The following PRKG1 variants were observed in gnomAD, a reference collection of about 807,000 sequenced individuals.
The protein encoded by PRKG1 is cGMP-dependent protein kinase 1.
A neutral mutation model predicts 88.1 loss-of-function variants in PRKG1; 35 were observed. The ratio of observed to expected loss-of-function variants is 0.40; its 90% CI spans 0.30 to 0.53. The LOEUF is 0.53. Among genes scored for constraint, PRKG1 ranks in the 20% least tolerant of loss-of-function variants. The pLI, the probability that PRKG1 is intolerant of heterozygous loss-of-function variation, is 0.59. For synonymous variants in PRKG1, 303 were observed against 292.5 expected (o/e 1.04, Z -0.37); for missense variants, 540 against 839.8 (o/e 0.64, Z 4.41).
At chr10:51,587,198 C>T (rs1292168799) in intron 3 of PRKG1, among the ~76,000 whole-genome samples, 2 of 152,064 alleles carry the variant, frequency 1.3e-5, no homozygotes, top group Non-Finnish European at 2.9e-5. Context: ...CTTCTAAATA[C>T]TCATAGAGAG....
chr10:51,383,061 A>C (rs1837150123), intron 2 of PRKG1, among the ~76,000 whole-genome samples: 1 of 152,072 alleles, frequency 6.6e-6, no homozygotes, highest in South Asian at 2.1e-4. Flanking sequence ...GCTTATAATG[A>C]TTGGCTCACC....
intron 6 of PRKG1, among the ~76,000 whole-genome samples, chr10:52,058,554 A>T (rs544417288): frequency 6.6e-6 from 1 of 152,168 alleles, no homozygotes; most frequent in East Asian, 1.9e-4. Context: ...AAATGAAAGT[A>T]ACTGACAGCA....
intron 4 of PRKG1, among the ~76,000 whole-genome samples, chr10:51,840,902 A>G (rs1840259512): frequency 6.6e-6 from 1 of 152,228 alleles, no homozygotes; most frequent in Non-Finnish European, 1.5e-5. Flanking sequence ...AACACTTATA[A>G]AAAACAAACA....
At chr10:51,272,843 C>A (rs1001664988) in intron 2 of PRKG1, among the ~76,000 whole-genome samples, 27 of 152,110 alleles carry the variant, frequency 1.8e-4, no homozygotes, top group African/African-American at 6.3e-4. Flanking sequence ...TAAATAGGAT[C>A]CATCTGAGAA....
chr10:52,041,204 C>T (rs1408258466), intron 5 of PRKG1, among the ~76,000 whole-genome samples: 2 of 152,050 alleles, frequency 1.3e-5, no homozygotes, highest in South Asian at 2.1e-4. Flanking sequence ...TGAATTTTGT[C>T]AAATGCTTTT....
At chr10:51,413,894 C>T (rs959405677) in intron 2 of PRKG1, among the ~76,000 whole-genome samples, 3 of 152,022 alleles carry the variant, frequency 2.0e-5, no homozygotes, top group Non-Finnish European at 4.4e-5. Context: ...AGTTTGATAA[C>T]CAAAAGACCC....
chr10:51,123,480 G>A (rs548142100), intron 1 of PRKG1, among the ~76,000 whole-genome samples: 31 of 152,218 alleles, frequency 2.0e-4, no homozygotes, highest in Middle Eastern at 6.8e-3. Context: ...GAGGTCAGGA[G>A]TTCGAAACCA....
chr10:51,387,699 T>C (rs17601228), intron 2 of PRKG1, among the ~76,000 whole-genome samples: 4,716 of 152,274 alleles, frequency 0.031, 129 homozygotes, highest in Non-Finnish European at 0.042. Context: ...CAAAATTATT[T>C]CATGTAGTTT....
rs199963680 is a variant in PRKG1 at position 52,106,971 on chromosome 10, ATG to A, written c.936-26858_936-26857del. ...TTGCACAGCTGATCTTGTCACATTT[ATG>A]TGTGTGTGTGGTTAGGAAGCTTTGC... On this transcript the variant is annotated intron_variant, in intron 7 of 17. Coordinates refer to ENST00000373980, the MANE Select transcript of PRKG1 (RefSeq NM_006258.4). Among the ~76,000 whole-genome samples, 1,024 of 152,030 alleles carry A rather than the reference ATG, an allele frequency of 6.7e-3. 12 individuals carry two copies. Among genetic ancestry groups the A allele is most frequent in the African/African-American group, 0.024 (982 of 41,492 alleles).
chr10:51,802,089 T>C (rs969958653), intron 3 of PRKG1, among the ~76,000 whole-genome samples: 1 of 152,146 alleles, frequency 6.6e-6, no homozygotes, highest in African/African-American at 2.4e-5. Context: ...GAATGGTCTC[T>C]GTAAGTTAAG....
intron 3 of PRKG1, among the ~76,000 whole-genome samples, chr10:51,748,798 C>T (rs1217257895): frequency 2.0e-5 from 3 of 152,226 alleles, no homozygotes; most frequent in Admixed American, 2.0e-4. Context: ...TATAGTTTTA[C>T]AATCCAGGTA....
intron 3 of PRKG1, among the ~76,000 whole-genome samples, chr10:51,683,351 C>T (rs1318455203): frequency 7.2e-6 from 1 of 138,096 alleles, no homozygotes; most frequent in African/African-American, 2.7e-5. Flanking sequence ...AAACAAAACA[C>T]CACAATGAGA....
At chr10:51,693,530 T>C (rs910299488) in intron 3 of PRKG1, among the ~76,000 whole-genome samples, 1 of 151,916 alleles carries the variant, frequency 6.6e-6, no homozygotes, top group African/African-American at 2.4e-5. Context: ...GACTCCCAAG[T>C]AGCTGGGATT....
chr10:51,382,370 T>G (rs941759060), intron 2 of PRKG1, among the ~76,000 whole-genome samples: 5 of 152,190 alleles, frequency 3.3e-5, no homozygotes, highest in Admixed American at 3.3e-4. Context: ...AGAGATCCAA[T>G]GATTGAGTCC....
chr10:51,847,478 T>C (rs763011881), intron 4 of PRKG1, among the ~76,000 whole-genome samples: 1 of 152,078 alleles, frequency 6.6e-6, no homozygotes, highest in Non-Finnish European at 1.5e-5. Context: ...TACTAAAATC[T>C]AAAATGAGAA....
intron 2 of PRKG1, among the ~76,000 whole-genome samples, chr10:51,260,406 G>A (rs1284612920): frequency 6.6e-6 from 1 of 151,914 alleles, no homozygotes; most frequent in Non-Finnish European, 1.5e-5. Flanking sequence ...TCTCCTAGAT[G>A]ATTATTTTTT....
chr10:52,119,740 G>A (rs1488059550), intron 7 of PRKG1, among the ~76,000 whole-genome samples: 1 of 152,148 alleles, frequency 6.6e-6, no homozygotes, highest in Non-Finnish European at 1.5e-5. Context: ...TGCTATAAGT[G>A]AATACCACAG....
intron 3 of PRKG1, among the ~76,000 whole-genome samples, chr10:51,765,664 G>A (rs1313386561): frequency 6.6e-6 from 1 of 152,084 alleles, no homozygotes; most frequent in East Asian, 1.9e-4. Flanking sequence ...AACCTCACCT[G>A]GAATGTACTT....
intron 7 of PRKG1, among the ~76,000 whole-genome samples, chr10:52,081,206 T>A (rs1846765204): frequency 6.6e-6 from 1 of 152,198 alleles, no homozygotes. Context: ...GGAGTTAATG[T>A]GGTACAATAA....
Sources: gnomAD v4.1 joint callset for allele counts (sites outside exome capture counted in the v4.1 genomes callset) on GRCh38, gnomAD v4.1.1 for gene constraint, MANE v1.5 for transcripts, NCBI Gene and HGNC (gene_info 2026-07-23, HGNC 2026-07-21) for gene names.